PHKB: variants seen among roughly 807,000 people sequenced by gnomAD.
PHKB encodes the protein phosphorylase kinase regulatory subunit beta, also known as phosphorylase b kinase regulatory subunit beta.
PHKB carries 122 observed loss-of-function variants against 152.1 expected under a neutral mutation model. The observed-to-expected ratio is 0.80, with a 90% CI of 0.69 to 0.93. The LOEUF is 0.93. Among genes scored for constraint, PHKB ranks in the 40% least tolerant of loss-of-function variants. The probability of loss-of-function intolerance (pLI) is 0.00; values close to 1 mark genes in which losing one functional copy is unlikely to be tolerated. For missense variants in PHKB, 1,304 were observed against 1,328.4 expected (o/e 0.98, Z 0.29); for synonymous variants, 436 against 464.9 (o/e 0.94, Z 0.80).
intron 8 of PHKB, among the ~76,000 whole-genome samples, chr16:47,580,559 A>T (rs973258595): frequency 1.8e-3 from 214 of 118,978 alleles, no homozygotes; most frequent in African/African-American, 7.0e-3. Flanking sequence ...TAATTTCTTT[A>T]AAAAAAAAAA....
intron 7 of PHKB, among the ~76,000 whole-genome samples, chr16:47,560,101 A>C (rs1451972137): frequency 6.6e-6 from 1 of 152,204 alleles, no homozygotes; most frequent in Non-Finnish European, 1.5e-5. Flanking sequence ...AGTATCTTAA[A>C]TCCAGATTAT....
chr16:47,692,008 G>A (rs1974070186), intron 27 of PHKB, among the ~76,000 whole-genome samples: 1 of 152,170 alleles, frequency 6.6e-6, no homozygotes, highest in South Asian at 2.1e-4. Flanking sequence ...GGGGTATCCA[G>A]TTATCTAAAG....
At chr16:47,640,943 A>C in intron 14 of PHKB, 92 bp from the exon 15 acceptor site, 43 of 1,183,102 alleles carry the variant, frequency 3.6e-5, no homozygotes, top group Non-Finnish European at 4.8e-5. Context: ...TGAACTGCTT[A>C]GAGATGGTTA....
intron 1 of PHKB, among the ~76,000 whole-genome samples, chr16:47,489,986 A>G (rs1395069016): frequency 6.6e-6 from 1 of 152,222 alleles, no homozygotes; most frequent in Non-Finnish European, 1.5e-5. Context: ...TCACAGGAAT[A>G]TACCTTACTC....
intron 25 of PHKB, among the ~76,000 whole-genome samples, chr16:47,667,876 C>T (rs1249105553): frequency 6.6e-6 from 1 of 152,180 alleles, no homozygotes; most frequent in Non-Finnish European, 1.5e-5. Context: ...AGATCCTGCT[C>T]CTACATCCTG....
At chr16:47,690,400 A>G (rs1337764106) in intron 27 of PHKB, among the ~76,000 whole-genome samples, 1 of 152,236 alleles carries the variant, frequency 6.6e-6, no homozygotes, top group Admixed American at 6.5e-5. Context: ...AGAAAAAGTT[A>G]ATAAGACTAT....
At chr16:47,697,047 A>G (rs1260288967) in intron 29 of PHKB, among the ~76,000 whole-genome samples, 1 of 152,194 alleles carries the variant, frequency 6.6e-6, no homozygotes, top group Non-Finnish European at 1.5e-5. Context: ...GTTACATGTA[A>G]AATTAACAGA....
chr16:47,646,935 G>C (rs955934931), intron 16 of PHKB, among the ~76,000 whole-genome samples: 20 of 151,862 alleles, frequency 1.3e-4, no homozygotes, highest in African/African-American at 4.8e-4. Context: ...AAAGGTAAAG[G>C]GGCTTCTTGA....
At chr16:47,555,818 G>C (rs556475831) in intron 7 of PHKB, among the ~76,000 whole-genome samples, 4 of 152,132 alleles carry the variant, frequency 2.6e-5, no homozygotes, top group Non-Finnish European at 4.4e-5. Context: ...GAAGAAAGTC[G>C]TTGGTAGCTT....
Position 47,660,320 on chromosome 16 carries a change from G to GT in PHKB, c.1972-178dup, listed in dbSNP as rs199615693. On this transcript the variant is annotated intron_variant, in intron 20 of 30. Transcript: ENST00000323584. ...AACGATGTGTATATTCTATTTTAGG[G>GT]TTTTTTTTGTGTGTGTAGAAACCTG... Among the ~76,000 whole-genome samples, 676 of 151,794 alleles carry GT rather than the reference G, an allele frequency of 4.5e-3. 6 individuals carry two copies. The highest frequency in any genetic ancestry group is 0.015 in the African/African-American group (621 of 41,382).
intron 1 of PHKB, among the ~76,000 whole-genome samples, chr16:47,480,473 A>G (rs1251548761): frequency 1.3e-5 from 2 of 152,202 alleles, no homozygotes; most frequent in Admixed American, 6.5e-5. Flanking sequence ...AGATTCAACA[A>G]TATTATGGAA....
intron 6 of PHKB, among the ~76,000 whole-genome samples, chr16:47,528,082 TATAAC>T (rs1283944115): frequency 6.6e-6 from 1 of 152,222 alleles, no homozygotes; most frequent in Non-Finnish European, 1.5e-5. Context: ...GAAATAGACT[TATAAC>T]AGTTCTTAAG....
intron 7 of PHKB, among the ~76,000 whole-genome samples, chr16:47,579,286 T>C (rs915437732): frequency 2.0e-5 from 3 of 152,154 alleles, no homozygotes; most frequent in Admixed American, 6.5e-5. Flanking sequence ...ACTTATAGGA[T>C]GTAGATGATG....
At chr16:47,665,226 C>T (rs1973517525) in intron 25 of PHKB, 1 of 440,584 alleles carries the variant, frequency 2.3e-6, no homozygotes, top group Non-Finnish European at 4.1e-6. Flanking sequence ...ATGAAGATTG[C>T]AGCCAGTTTC....
chr16:47,641,320 G>T (rs1973017289), intron 15 of PHKB, among the ~76,000 whole-genome samples: 1 of 152,138 alleles, frequency 6.6e-6, no homozygotes, highest in Non-Finnish European at 1.5e-5. Flanking sequence ...ACCAGTGCCA[G>T]TGTTGCCTGG....
rs980176391 is a variant in PHKB, at chr16:47,678,601, A to G, written c.2630+9184A>G. On this transcript the variant is annotated intron_variant, in intron 26 of 30. Coordinates refer to ENST00000323584, the MANE Select transcript of PHKB (RefSeq NM_000293.3). ...AAGTGTCTGTTCATGTCCTTCGCCC[A>G]CTTTTTGATGGGGTTGTTTGTTTTT... 3.3e-4 allele frequency among the ~76,000 whole-genome samples: 50 copies of G among 151,912 alleles called. No homozygotes were observed. In the Middle Eastern group the frequency reaches 0.02, roughly 62 times the overall value.
chr16:47,610,877 C>G lies in PHKB; in HGVS notation c.1415C>G (p.Pro472Arg). Residue 472 changes from proline to arginine, a missense_variant, in exon 14 of 31, where the codon CCA (proline) becomes CGA (arginine). Transcript: ENST00000323584. ...ATTGATCCTGTCCAGCGCTATGTCC[C>G]ACTAAAGGATCAACGTAACGTGAGC... ...KDIDPVQRYV[P>R]LKDQRNVSMR... The G allele has an allele frequency of 6.2e-7, 1 of 1,608,524 alleles. No homozygotes were observed. Among genetic ancestry groups the G allele is most frequent in the Non-Finnish European group, 8.5e-7 (1 of 1,174,952 alleles).
chr16:47,670,845 A>T (rs779027678), intron 26 of PHKB, among the ~76,000 whole-genome samples: 1 of 152,086 alleles, frequency 6.6e-6, no homozygotes, highest in Non-Finnish European at 1.5e-5. Context: ...ACTTTTACCA[A>T]TATATCTTCA....
At chr16:47,678,589 T>A (rs1238084351) in intron 26 of PHKB, among the ~76,000 whole-genome samples, 1 of 152,166 alleles carries the variant, frequency 6.6e-6, no homozygotes. Context: ...TGTCTGTTCA[T>A]GTCCTTCGCC....
Sources: allele counts gnomAD v4.1 joint callset (sites outside exome capture counted in the v4.1 genomes callset), GRCh38; gene constraint gnomAD v4.1.1; transcripts MANE v1.5; gene names NCBI Gene and HGNC (gene_info 2026-07-23, HGNC 2026-07-21).